MTHFD1L: variants seen among roughly 807,000 people sequenced by gnomAD.
MTHFD1L encodes the protein methylenetetrahydrofolate dehydrogenase (NADP+ dependent) 1 like.
In MTHFD1L, 81 loss-of-function variants were observed where a neutral mutation model predicts 119.5. The ratio of observed to expected loss-of-function variants is 0.68; its 90% CI spans 0.57 to 0.82. MTHFD1L has a LOEUF of 0.82. Ranked by LOEUF, MTHFD1L falls within the 40% of genes least tolerant of loss-of-function variation. The probability of loss-of-function intolerance (pLI) is 0.00; values close to 1 mark genes in which losing one functional copy is unlikely to be tolerated. For missense variants in MTHFD1L, 1,125 were observed against 1,253.4 expected, an observed-to-expected ratio of 0.90 and a Z score of 1.55; for synonymous variants, 430 against 475.2, an observed-to-expected ratio of 0.90 and a Z score of 1.24.
At chr6:150,924,516 G>A (rs1789583211) in intron 10 of MTHFD1L, among the ~76,000 whole-genome samples, 1 of 151,948 alleles carries the variant, frequency 6.6e-6, no homozygotes, top group Non-Finnish European at 1.5e-5. Context: ...TTATTCTGTT[G>A]CCCAGGCTGG....
chr6:150,935,689 G>A (rs1791934344), intron 11 of MTHFD1L: 3 of 676,178 alleles, frequency 4.4e-6, no homozygotes, highest in East Asian at 2.9e-5. Flanking sequence ...GCTTTGTTTT[G>A]TTGAACAATC....
At chr6:151,089,095 G>A (rs565065545) in intron 26 of MTHFD1L, among the ~76,000 whole-genome samples, 457 of 152,272 alleles carry the variant, frequency 3.0e-3, no homozygotes, top group Middle Eastern at 6.8e-3. Context: ...TTCTGCCCTT[G>A]CTGTGAATCA....
At chr6:151,024,662 G>A (rs1784390706) in intron 24 of MTHFD1L, among the ~76,000 whole-genome samples, 2 of 152,130 alleles carry the variant, frequency 1.3e-5, no homozygotes, top group African/African-American at 2.4e-5. Flanking sequence ...AACCCCATCT[G>A]TACTAAAAAT....
chr6:151,060,596 G>A (rs990184905), intron 26 of MTHFD1L, among the ~76,000 whole-genome samples: 1 of 152,182 alleles, frequency 6.6e-6, no homozygotes, highest in Non-Finnish European at 1.5e-5. Flanking sequence ...TACCTAAGCC[G>A]GATCATGAAG....
At chr6:150,899,549 A>C (rs767403971) in intron 7 of MTHFD1L, among the ~76,000 whole-genome samples, 1 of 152,232 alleles carries the variant, frequency 6.6e-6, no homozygotes, top group East Asian at 1.9e-4. Context: ...TTATTTTAAC[A>C]TTCCTATTTA....
chr6:150,915,806 G>A lies in MTHFD1L; in HGVS notation c.893-2771G>A, dbSNP rs187305250. On this transcript the variant is annotated intron_variant, in intron 8 of 27. Transcript: ENST00000367321. ...TTTAGTAGAGACAGGGTTTCACCTTGTTGGCCAGGCTGGTCTTGAACTCCT... is the reference window on the plus strand; with the variant it reads ...TTTAGTAGAGACAGGGTTTCACCTTATTGGCCAGGCTGGTCTTGAACTCCT... Among the ~76,000 whole-genome samples, 243 of 152,218 alleles carry A rather than the reference G, an allele frequency of 1.6e-3. 1 individual carries two copies. The highest frequency in any genetic ancestry group is 5.5e-3 in the African/African-American group (229 of 41,518).
intron 7 of MTHFD1L, among the ~76,000 whole-genome samples, chr6:150,901,557 C>G (rs1195665102): frequency 1.3e-5 from 2 of 152,186 alleles, no homozygotes; most frequent in Non-Finnish European, 2.9e-5. Context: ...AGCCACTTAA[C>G]TGGGCGCACA....
Position 151,053,515 on chromosome 6 carries a change from T to C in MTHFD1L, c.2847+16398T>C, listed in dbSNP as rs144507883. Among the ~76,000 whole-genome samples, 6 of 152,272 alleles carry C rather than the reference T, an allele frequency of 3.9e-5. No individual in the cohort carries two copies. In the East Asian group the frequency reaches 1.2e-3, roughly 29 times the overall value. ...CCCTCCCAAGTAAATACATACTGAA[T>C]TTAGCAAATTATTCATTTGTGATCC... On this transcript the variant is annotated intron_variant, in intron 26 of 27. Transcript: ENST00000367321.
chr6:150,987,244 C>G (rs935639890), intron 20 of MTHFD1L, among the ~76,000 whole-genome samples: 26 of 151,942 alleles, frequency 1.7e-4, no homozygotes, highest in African/African-American at 6.3e-4. Context: ...CTTTATAGAC[C>G]CTTTAGAGGT....
intron 11 of MTHFD1L, among the ~76,000 whole-genome samples, chr6:150,927,455 CT>C (rs543783528): frequency 0.18 from 23,045 of 124,860 alleles, 1,597 homozygotes; most frequent in East Asian, 0.45. Flanking sequence ...ATCCCAGATT[CT>C]TTTTTTTTTT....
chr6:150,865,856 C>G lies in MTHFD1L; in HGVS notation c.34C>G (p.Leu12Val), dbSNP rs1347112630. ...GTRLPLVLRQLRRPPQPPGPP... is the reference protein window; with the variant it reads ...GTRLPLVLRQVRRPPQPPGPP... The stretch of plus-strand genomic sequence containing the variant: ...GCGTCTGCCGCTCGTCCTGCGCCAG[C>G]TCCGCCGCCCGCCCCAGCCCCCGGG... The change falls in exon 1 of 28, where the codon CTC (leucine) becomes GTC (valine). Residue 12 changes from leucine (L) to valine (V), a missense_variant. Physicochemically the swap from Leu to Val is conservative, Grantham distance 32. This residue lies in a region of MTHFD1L where 1,058 missense variants were observed against 1,151.2 expected (regional missense o/e 0.92). Coordinates refer to ENST00000367321, the MANE Select transcript of MTHFD1L (RefSeq NM_015440.5). The G allele has an allele frequency of 4.0e-5, 49 of 1,222,220 alleles. No homozygotes were observed. Among genetic ancestry groups the G allele is most frequent in the Non-Finnish European group, 4.9e-5 (48 of 979,708 alleles). The allele number at this position is 1,222,220 out of a possible 1,614,324, so 75.7% of individuals were successfully genotyped here.
At chr6:150,910,016 A>G (rs1394557322) in intron 8 of MTHFD1L, among the ~76,000 whole-genome samples, 1 of 152,012 alleles carries the variant, frequency 6.6e-6, no homozygotes, top group Non-Finnish European at 1.5e-5. Context: ...CCTCATCTCT[A>G]TTAAAAATAC....
At chr6:151,041,982 A>G (rs1165506613) in intron 26 of MTHFD1L, 1 of 369,116 alleles carries the variant, frequency 2.7e-6, no homozygotes, top group Admixed American at 4.0e-5. Context: ...TTTTCCTACC[A>G]TTGAATTATT....
intron 21 of MTHFD1L, among the ~76,000 whole-genome samples, chr6:151,011,779 C>T (rs1782262237): frequency 6.6e-6 from 1 of 151,808 alleles, no homozygotes; most frequent in Non-Finnish European, 1.5e-5. Flanking sequence ...AAGGTGGGGA[C>T]CAGCCAGGCG....
At chr6:150,971,439 TC>T (rs1256946980) in intron 19 of MTHFD1L, among the ~76,000 whole-genome samples, 1 of 152,184 alleles carries the variant, frequency 6.6e-6, no homozygotes, top group African/African-American at 2.4e-5. Context: ...CCTCAGGCGA[TC>T]CGCCCATCTT....
intron 23 of MTHFD1L, 73 bp downstream of exon 23, chr6:151,015,053 G>C (rs1470671907): frequency 1.5e-5 from 19 of 1,247,004 alleles, no homozygotes; most frequent in Middle Eastern, 1.9e-4. Flanking sequence ...TGTGTCTTGG[G>C]GTATTTGGTC....
chr6:150,892,550 C>CT (rs1783490079), intron 7 of MTHFD1L, among the ~76,000 whole-genome samples: 1 of 152,190 alleles, frequency 6.6e-6, no homozygotes, highest in Non-Finnish European at 1.5e-5. Context: ...AGGCTATCAA[C>CT]TTTCATTCTT....
At chr6:151,008,048 C>G (rs770855032) in intron 20 of MTHFD1L, among the ~76,000 whole-genome samples, 3 of 152,072 alleles carry the variant, frequency 2.0e-5, no homozygotes, top group Non-Finnish European at 4.4e-5. Flanking sequence ...GCCCTATTAC[C>G]TTACCCTTGG....
chr6:150,887,085 T>C (rs1370273456), intron 6 of MTHFD1L, among the ~76,000 whole-genome samples: 1 of 151,916 alleles, frequency 6.6e-6, no homozygotes, highest in Non-Finnish European at 1.5e-5. Flanking sequence ...TGCCCCTCCC[T>C]ACCCCTGAAC....
Sources: allele counts gnomAD v4.1 joint callset (sites outside exome capture counted in the v4.1 genomes callset), GRCh38; gene constraint gnomAD v4.1.1; regional missense constraint gnomAD v4.1.1; transcripts MANE v1.5; gene names NCBI Gene and HGNC (gene_info 2026-07-23, HGNC 2026-07-21).